The following PRELID2 variants were observed in gnomAD, a reference collection of about 807,000 sequenced individuals.
The protein encoded by PRELID2 is PRELI domain containing 2.
PRELID2 carries 25 observed loss-of-function variants against 28.4 expected under a neutral mutation model. The ratio of observed to expected loss-of-function variants is 0.88; its 90% CI spans 0.64 to 1.23. The LOEUF (loss-of-function observed/expected upper bound fraction) is 1.23, where lower values mean the gene tolerates loss of function less well. Ranked by LOEUF, PRELID2 falls within the 50% of genes most tolerant of loss-of-function variation. The probability of loss-of-function intolerance (pLI) is 0.00; values close to 1 mark genes in which losing one functional copy is unlikely to be tolerated. For missense variants in PRELID2, 201 were observed against 214.4 expected, an observed-to-expected ratio of 0.94 and a Z score of 0.39; for synonymous variants, 76 against 71.6, an observed-to-expected ratio of 1.06 and a Z score of -0.31.
intron 5 of PRELID2, among the ~76,000 whole-genome samples, chr5:145,777,357 C>T (rs1758474623): frequency 6.6e-6 from 1 of 152,088 alleles, no homozygotes; most frequent in Admixed American, 6.6e-5. Flanking sequence ...CATGCATGAG[C>T]CACTGCACCT....
the PRELID2 span, among the ~76,000 whole-genome samples, chr5:145,258,322 G>A: frequency 6.6e-6 from 1 of 152,188 alleles, no homozygotes; most frequent in Non-Finnish European, 1.5e-5. Flanking sequence ...AGAGTTTGGT[G>A]GGTTCAGAAG....
At chr5:145,324,077 A>G in the PRELID2 span, among the ~76,000 whole-genome samples, 1 of 152,350 alleles carries the variant, frequency 6.6e-6, no homozygotes, top group East Asian at 1.9e-4. Flanking sequence ...TTACATTCCC[A>G]CCAGTGGTGA....
At chr5:145,650,649 G>GA (rs59780066) in intron 1 of PRELID2, among the ~76,000 whole-genome samples, 25 of 140,502 alleles carry the variant, frequency 1.8e-4, no homozygotes, top group Non-Finnish European at 2.9e-4. Context: ...CAAGCAAACA[G>GA]AAAAAAAAAG....
intron 1 of PRELID2, among the ~76,000 whole-genome samples, chr5:145,515,376 T>G (rs1463696161): frequency 6.6e-6 from 1 of 152,130 alleles, no homozygotes; most frequent in Non-Finnish European, 1.5e-5. Flanking sequence ...AACACATCTA[T>G]GCAAATAAAC....
At chr5:145,790,890 G>GCTAT (rs1561612090) in intron 5 of PRELID2, among the ~76,000 whole-genome samples, 2 of 39,424 alleles carry the variant, frequency 5.1e-5, no homozygotes, top group Admixed American at 6.1e-4. Context: ...TTCACTTCTG[G>GCTAT]GTATATATAT....
chr5:145,714,068 C>A (rs1178301628), intron 1 of PRELID2, among the ~76,000 whole-genome samples: 1 of 151,998 alleles, frequency 6.6e-6, no homozygotes, highest in Non-Finnish European at 1.5e-5. Flanking sequence ...GAACTGAGCT[C>A]CTGATGACTG....
intron 1 of PRELID2, among the ~76,000 whole-genome samples, chr5:145,828,816 A>T (rs1755380731): frequency 6.8e-6 from 1 of 146,390 alleles, no homozygotes; most frequent in Non-Finnish European, 1.5e-5. Context: ...CCATGTACTT[A>T]GATAGTGAAA....
chr5:145,380,949 T>C, the PRELID2 span, among the ~76,000 whole-genome samples: 1 of 152,198 alleles, frequency 6.6e-6, no homozygotes, highest in Non-Finnish European at 1.5e-5. Context: ...AAAAACTATG[T>C]AACATAGAAC....
intron 1 of PRELID2, among the ~76,000 whole-genome samples, chr5:145,508,160 A>T (rs1045540813): frequency 2.6e-5 from 4 of 152,156 alleles, no homozygotes; most frequent in Non-Finnish European, 4.4e-5. Flanking sequence ...CCCAAGAGAA[A>T]TTTGGCATTT....
chr5:145,328,658 G>A, the PRELID2 span, among the ~76,000 whole-genome samples: 3 of 150,910 alleles, frequency 2.0e-5, no homozygotes, highest in Admixed American at 1.3e-4. Context: ...TAAGTTCCTT[G>A]TAGATTCTCG....
chr5:145,577,341 A>G (rs1284769537), intron 1 of PRELID2, among the ~76,000 whole-genome samples: 1 of 152,134 alleles, frequency 6.6e-6, no homozygotes, highest in Non-Finnish European at 1.5e-5. Context: ...AATAAAATAC[A>G]CAGAAACAAT....
chr5:145,537,415 A>T (rs1161262269), intron 1 of PRELID2, among the ~76,000 whole-genome samples: 1 of 151,856 alleles, frequency 6.6e-6, no homozygotes, highest in East Asian at 1.9e-4. Flanking sequence ...TTCCATAACT[A>T]TACTAGTTTA....
intron 1 of PRELID2, among the ~76,000 whole-genome samples, chr5:145,641,987 A>G (rs1000648252): frequency 1.3e-5 from 2 of 152,116 alleles, no homozygotes; most frequent in Non-Finnish European, 2.9e-5. Context: ...GTGTGCATGT[A>G]TCTTTATAGT....
At chr5:145,512,895 C>G (rs192224292) in intron 1 of PRELID2, among the ~76,000 whole-genome samples, 143 of 152,252 alleles carry the variant, frequency 9.4e-4, no homozygotes, top group African/African-American at 3.2e-3. Context: ...GCAGAGAGGA[C>G]TGACTGTTAG....
chr5:145,730,936 T>C (rs938714529), intron 1 of PRELID2, among the ~76,000 whole-genome samples: 1 of 152,092 alleles, frequency 6.6e-6, no homozygotes, highest in Non-Finnish European at 1.5e-5. Context: ...AACCCCACCA[T>C]AAAACTTCTC....
chr5:145,383,359 C>T, the PRELID2 span, among the ~76,000 whole-genome samples: 1 of 148,654 alleles, frequency 6.7e-6, no homozygotes, highest in Admixed American at 6.7e-5. Context: ...TACACACGTC[C>T]ATATATATAT....
intron 1 of PRELID2, among the ~76,000 whole-genome samples, chr5:145,502,874 A>AT (rs1752372208): frequency 6.6e-6 from 1 of 150,758 alleles, no homozygotes; most frequent in African/African-American, 2.4e-5. Flanking sequence ...GTCTGTATAG[A>AT]TATCACTAAT....
At chr5:145,231,602 AC>A in the PRELID2 span, among the ~76,000 whole-genome samples, 1 of 152,230 alleles carries the variant, frequency 6.6e-6, no homozygotes, top group Non-Finnish European at 1.5e-5. Context: ...TTGACCGCCC[AC>A]TAGAATTGAG....
chr5:145,443,695 CCTCCTTTGAGCT>C, the PRELID2 span, among the ~76,000 whole-genome samples: 1 of 152,002 alleles, frequency 6.6e-6, no homozygotes, highest in Non-Finnish European at 1.5e-5. Context: ...AAACAAATTC[CCTCCTTTGAGCT>C]CTCAAAAATG....
Sources: allele counts gnomAD v4.1 joint callset (sites outside exome capture counted in the v4.1 genomes callset), GRCh38; gene constraint gnomAD v4.1.1; transcripts MANE v1.5; gene names NCBI Gene and HGNC (gene_info 2026-07-23, HGNC 2026-07-21).